The following IVNS1ABP variants were observed in gnomAD, a reference collection of about 807,000 sequenced individuals.
IVNS1ABP encodes influenza virus NS1A-binding protein.
Under a neutral mutation model 78.9 loss-of-function variants are expected in IVNS1ABP, and 25 were observed. The ratio of observed to expected loss-of-function variants is 0.32; its 90% CI spans 0.23 to 0.44. The LOEUF (loss-of-function observed/expected upper bound fraction) is 0.44, where lower values mean the gene tolerates loss of function less well. Among genes scored for constraint, IVNS1ABP ranks in the 20% least tolerant of loss-of-function variants. The probability of loss-of-function intolerance (pLI) is 1.00; values close to 1 mark genes in which losing one functional copy is unlikely to be tolerated. For synonymous variants in IVNS1ABP, 241 were observed against 259.7 expected, an observed-to-expected ratio of 0.93 and a Z score of 0.69; for missense variants, 494 against 768.9, an observed-to-expected ratio of 0.64 and a Z score of 4.23.
intron 5 of IVNS1ABP, chr1:185,308,053 C>G: frequency 6.5e-7 from 1 of 1,546,396 alleles, no homozygotes; most frequent in Non-Finnish European, 8.7e-7. Context: ...GAAAAGATAA[C>G]TAGGAAATAG....
chr1:185,314,749 T>G (rs966311042), intron 1 of IVNS1ABP, among the ~76,000 whole-genome samples: 1 of 152,214 alleles, frequency 6.6e-6, no homozygotes, highest in Non-Finnish European at 1.5e-5. Context: ...ATCTTAGATA[T>G]GTGGCATCCT....
chr1:185,315,731 A>G (rs1665999612), intron 1 of IVNS1ABP, among the ~76,000 whole-genome samples: 1 of 152,212 alleles, frequency 6.6e-6, no homozygotes. Flanking sequence ...TCCTAAATCA[A>G]TCACTGGTGC....
Position 185,307,574 on chromosome 1 carries a change from A to C in IVNS1ABP, c.446T>G (p.Leu149Trp). 1.2e-6 allele frequency: 2 copies of C among 1,613,644 alleles called. No individual in the cohort carries two copies. Among genetic ancestry groups the C allele is most frequent in the Non-Finnish European group, 1.7e-6 (2 of 1,179,662 alleles). ...NFASCMGDSR[L>W]LNKVDAYIQE... ...AATATAAGCATCAACCTTATTCAAC[A>C]AACGGGAGTCTCCCATACAACTTGC... The change falls in exon 6 of 15, where the codon TTG becomes TGG. Residue 149 changes from leucine (L) to tryptophan (W), a missense_variant. Coordinates refer to ENST00000367498, the MANE Select transcript of IVNS1ABP (RefSeq NM_006469.5).
chr1:185,313,301 G>A (rs1665933488), intron 1 of IVNS1ABP, among the ~76,000 whole-genome samples: 1 of 152,054 alleles, frequency 6.6e-6, no homozygotes, highest in South Asian at 2.1e-4. Flanking sequence ...CTAATTCCAT[G>A]ACAGTACCTG....
Position 185,298,262 on chromosome 1 carries a change from C to CA in IVNS1ABP, c.1701dup (p.Asp568Ter). ...ACACAACTGATGGCATGAGAACCAT[C>CA]AAAGCCACCACATACAAACAGTTTT... On this transcript the variant is annotated frameshift_variant, in exon 15 of 15. Coordinates refer to ENST00000367498, the MANE Select transcript of IVNS1ABP (RefSeq NM_006469.5). LOFTEE classifies it high-confidence loss of function. The surrounding 1 kb of genome is among the most constrained non-coding windows in gnomAD (Gnocchi z 4.1). 1 of 1,613,454 alleles carries CA rather than the reference C, an allele frequency of 6.2e-7. No individual in the cohort carries two copies. Among genetic ancestry groups the CA allele is most frequent in the Non-Finnish European group, 8.5e-7 (1 of 1,179,678 alleles).
At chr1:185,306,581 C>T in intron 7 of IVNS1ABP, 1 of 1,266,544 alleles carries the variant, frequency 7.9e-7, no homozygotes, top group Non-Finnish European at 1.0e-6. Context: ...CTTGAGGTTT[C>T]TTCTTGTTTC....
intron 13 of IVNS1ABP, 49 bp from the exon 14 acceptor site, chr1:185,299,932 A>G: frequency 6.2e-7 from 1 of 1,611,052 alleles, no homozygotes; most frequent in South Asian, 1.1e-5. Flanking sequence ...CCAGACTCTA[A>G]GTGTATACTA....
chr1:185,299,458 AAATGACT>A (rs1665508541), intron 14 of IVNS1ABP: 2 of 503,208 alleles, frequency 4.0e-6, no homozygotes, highest in Admixed American at 6.5e-5. Flanking sequence ...TTATAGAAGA[AAATGACT>A]TGGAAATTCA....
In IVNS1ABP at chr1:185,305,048, T is replaced by C. The variant is rs961477412; in HGVS notation, c.765+488A>G. Among the ~76,000 whole-genome samples the C allele has an allele frequency of 1.3e-5, 2 of 152,182 alleles. No homozygotes were observed. Among genetic ancestry groups the C allele is most frequent in the African/African-American group, 4.8e-5 (2 of 41,454 alleles). ...GGTTAAAGAAACATCTAGATCAGGT[T>C]TTAACATATGATCCACCACTTTTAG... On this transcript the variant is annotated intron_variant, in intron 8 of 14. Coordinates refer to ENST00000367498, the MANE Select transcript of IVNS1ABP (RefSeq NM_006469.5). The surrounding 1 kb of genome is among the most constrained non-coding windows in gnomAD (Gnocchi z 4.0).
chr1:185,310,116 C>T lies in IVNS1ABP; in HGVS notation c.-18-605G>A, dbSNP rs151197333. On this transcript the variant is annotated intron_variant, in intron 2 of 14. Coordinates refer to ENST00000367498, the MANE Select transcript of IVNS1ABP (RefSeq NM_006469.5). The stretch of plus-strand genomic sequence containing the variant: ...CTGATTAGTCTTGTCACTGTATCTA[C>T]GAAATTATTTTTATAAATGTTTTGA... 6.6e-5 allele frequency among the ~76,000 whole-genome samples: 10 copies of T among 152,166 alleles called. No homozygotes were observed. In the East Asian group the frequency reaches 7.7e-4, roughly 12 times the overall value.
At position 185,316,993 on chromosome 1, in the gene IVNS1ABP, GCTT is replaced by G. The variant is rs1288524167; in HGVS notation, c.-290_-288del. On this transcript the variant is annotated 5_prime_UTR_variant, in exon 1 of 15. Transcript: ENST00000367498. ...AGAGATGGAAACATTCATTTCTAGA[GCTT>G]CGATGGGAAGCAGGAGGAAGCGGGC... The G allele has an allele frequency of 2.5e-6, 1 of 398,524 alleles. No homozygotes were observed. The highest frequency in any genetic ancestry group is 4.4e-6 in the Non-Finnish European group (1 of 226,144). 24.7% of individuals were successfully genotyped at this position (398,524 alleles called of 1,614,324 possible).
chr1:185,307,806 A>G, intron 5 of IVNS1ABP, 144 bp from the exon 6 acceptor site: 1 of 1,185,512 alleles, frequency 8.4e-7, no homozygotes, highest in Non-Finnish European at 1.2e-6. Context: ...AGTGGTAATA[A>G]CACGTATACA....
chr1:185,299,801 T>C lies in IVNS1ABP; in HGVS notation c.1584A>G (p.Thr528=), dbSNP rs1410416883. ...GGAESWNCLN[T]VERYNPENNT... ...TATTTTCAGGATTGTATCGTTCTAC[T>C]GTGTTCAGACAATTCCAAGATTCTG... Residue 528 remains threonine (T), a synonymous_variant, in exon 14 of 15, where the codon ACA becomes ACG. Transcript: ENST00000367498. The C allele has an allele frequency of 1.2e-6, 2 of 1,613,744 alleles. No homozygotes were observed. Among genetic ancestry groups the C allele is most frequent in the Non-Finnish European group, 1.7e-6 (2 of 1,179,762 alleles).
In IVNS1ABP at chr1:185,308,989, T is replaced by C. The variant is rs751871918; in HGVS notation, c.281+14A>G. 2 of 1,598,542 alleles carry C rather than the reference T, an allele frequency of 1.3e-6. No individual in the cohort carries two copies. The highest frequency in any genetic ancestry group is 1.7e-6 in the Non-Finnish European group (2 of 1,172,054). Reference sequence around the variant, plus strand: ...ATATTCCCTAATTATATGGTTTACTTCAAATGTACTTACTGAGCAGTGTAG... The same window carrying C: ...ATATTCCCTAATTATATGGTTTACTCCAAATGTACTTACTGAGCAGTGTAG... On this transcript the variant is annotated intron_variant, in intron 4 of 14. Transcript: ENST00000367498.
chr1:185,298,189 A>G lies in IVNS1ABP; in HGVS notation c.1775T>C (p.Met592Thr). The change falls in exon 15 of 15, where the codon ATG becomes ACG. Residue 592 changes from methionine to threonine, a missense_variant. Met to Thr is a moderately conservative substitution (Grantham distance 81). Coordinates refer to ENST00000367498, the MANE Select transcript of IVNS1ABP (RefSeq NM_006469.5). This position sits in a 1 kb window ranked among gnomAD's most constrained non-coding sequence, Gnocchi z 4.1. ...CCCAGCATTGCTCCTTGGTGAAGTC[A>G]TATTTCCCATCATCTTCCATTCATT... ...TRNEWKMMGN[M>T]TSPRSNAGIA... The G allele has an allele frequency of 6.2e-7, 1 of 1,613,832 alleles. No individual in the cohort carries two copies. Among genetic ancestry groups the G allele is most frequent in the Non-Finnish European group, 8.5e-7 (1 of 1,179,840 alleles).
At chr1:185,315,472 AAC>A (rs1187905096) in intron 1 of IVNS1ABP, among the ~76,000 whole-genome samples, 1 of 152,252 alleles carries the variant, frequency 6.6e-6, no homozygotes, top group Non-Finnish European at 1.5e-5. Flanking sequence ...CTATTAGGAA[AAC>A]ACAGAGGAAA....
In IVNS1ABP at chr1:185,307,398, C is replaced by G. The variant is rs1006313376; in HGVS notation, c.531+91G>C. ...ACAATATAATTTCAATGTATTATTTCATAATCATTACTCACTTGCTTGAAA... is the reference window on the plus strand; with the variant it reads ...ACAATATAATTTCAATGTATTATTTGATAATCATTACTCACTTGCTTGAAA... On this transcript the variant is annotated intron_variant, in intron 6 of 14. Transcript: ENST00000367498. The G allele has an allele frequency of 1.3e-5, 13 of 1,025,652 alleles. No individual in the cohort carries two copies. In the African/African-American group the frequency reaches 2.1e-4, roughly 17 times the overall value. 63.5% of individuals were successfully genotyped at this position (1,025,652 alleles called of 1,614,324 possible). A position where few individuals can be genotyped will look rare whatever the true frequency, so the allele number is the denominator to read the frequency against.
At chr1:185,299,594 A>G (rs1665513465) in intron 14 of IVNS1ABP, 116 bp downstream of exon 14, 2 of 934,344 alleles carry the variant, frequency 2.1e-6, no homozygotes, top group Admixed American at 1.8e-5. Flanking sequence ...ATCAAAAGAG[A>G]TGACTGCTTC....
intron 10 of IVNS1ABP, 173 bp downstream of exon 10, chr1:185,300,799 A>T (rs967541183): frequency 1.4e-6 from 1 of 690,726 alleles, no homozygotes; most frequent in Non-Finnish European, 2.4e-6. Context: ...TAATTTTTTT[A>T]AAAATTAGAT....
Sources: allele counts gnomAD v4.1 joint callset (sites outside exome capture counted in the v4.1 genomes callset), GRCh38; gene constraint gnomAD v4.1.1; non-coding constraint Gnocchi (gnomAD v3.1); transcripts MANE v1.5; gene names NCBI Gene and HGNC (gene_info 2026-07-23, HGNC 2026-07-21).